Variants in SSPN observed in about 807,000 individuals in gnomAD.
The protein encoded by SSPN is sarcospan, also known as K-ras oncogene-associated protein.
In SSPN, 15 loss-of-function variants were observed where a neutral mutation model predicts 19.1. That is an observed-to-expected ratio of 0.78 (90% CI 0.52 to 1.21). The LOEUF is 1.21. SSPN is among the 50% of genes most tolerant of loss of function. The pLI is 0.00. For synonymous variants in SSPN, 147 were observed against 140.3 expected (o/e 1.05, Z -0.34); for missense variants, 291 against 314.0 (o/e 0.93, Z 0.55).
At chr12:26,148,139 G>A (rs1032340132) in intron 1 of SSPN, among the ~76,000 whole-genome samples, 2 of 152,146 alleles carry the variant, frequency 1.3e-5, no homozygotes, top group Admixed American at 6.5e-5. Flanking sequence ...ATGAATTAAC[G>A]TAGGGCTCTT....
chr12:26,220,986 A>T (rs189632957), intron 1 of SSPN, among the ~76,000 whole-genome samples: 1 of 152,180 alleles, frequency 6.6e-6, no homozygotes, highest in Non-Finnish European at 1.5e-5. Context: ...CATCCAATCC[A>T]TTCTTCATAG....
At position 26,231,011 on chromosome 12, in the gene SSPN, G is replaced by T; in HGVS notation, c.667G>T (p.Val223Phe). The stretch of plus-strand genomic sequence containing the variant: ...TGTGATGTGGAAACATAGGTACCAG[G>T]TCTTCTATGTGGGTGTCAGGATATG... ...CFVMWKHRYQ[V>F]FYVGVRICSL... The change falls in exon 3 of 3, where the codon GTC (valine) becomes TTC (phenylalanine). Residue 223 changes from valine to phenylalanine, a missense_variant. Transcript: ENST00000242729. The T allele has an allele frequency of 1.9e-6, 3 of 1,614,212 alleles. No homozygotes were observed. Among genetic ancestry groups the T allele is most frequent in the Non-Finnish European group, 2.5e-6 (3 of 1,180,048 alleles).
intron 1 of SSPN, among the ~76,000 whole-genome samples, chr12:26,150,121 AT>A (rs1224251613): frequency 2.0e-5 from 3 of 152,148 alleles, no homozygotes; most frequent in Non-Finnish European, 4.4e-5. Flanking sequence ...CTTCTTGTTG[AT>A]TGTGTCAGGA....
At chr12:26,230,334 T>C (rs1010941463) in intron 2 of SSPN, among the ~76,000 whole-genome samples, 1 of 152,244 alleles carries the variant, frequency 6.6e-6, no homozygotes, top group African/African-American at 2.4e-5. Context: ...TCAGTCTTAA[T>C]ATCAGAAGTT....
intron 1 of SSPN, among the ~76,000 whole-genome samples, chr12:26,200,875 CA>C (rs1944870837): frequency 1.3e-5 from 2 of 151,530 alleles, no homozygotes; most frequent in African/African-American, 4.9e-5. Flanking sequence ...GAGATAATTA[CA>C]TGGCCCAACT....
At position 26,231,754 on chromosome 12, in the gene SSPN, T is replaced by G; in HGVS notation, c.*678T>G. 4.4e-6 allele frequency: 1 copy of G among 229,788 alleles called. No homozygotes were observed. Among genetic ancestry groups the G allele is most frequent in the Non-Finnish European group, 7.2e-6 (1 of 139,106 alleles). The allele number at this position is 229,788 out of a possible 1,614,324, so 14.2% of individuals were successfully genotyped here. A position where few individuals can be genotyped will look rare whatever the true frequency, so the allele number is the denominator to read the frequency against. ...AATGCTTTAGATGATTGCCTCTCAA[T>G]AATTGAAAGGTGGTGGTAGTTGTAT... On this transcript the variant is annotated 3_prime_UTR_variant, in exon 3 of 3. Coordinates refer to ENST00000242729, the MANE Select transcript of SSPN (RefSeq NM_005086.5).
chr12:26,144,476 G>A (rs921624037), intron 1 of SSPN, among the ~76,000 whole-genome samples: 1 of 152,138 alleles, frequency 6.6e-6, no homozygotes, highest in Non-Finnish European at 1.5e-5. Flanking sequence ...TATCAACAAG[G>A]TAAGGCGTGG....
chr12:26,163,542 C>T (rs886659199), intron 1 of SSPN, among the ~76,000 whole-genome samples: 3 of 152,258 alleles, frequency 2.0e-5, no homozygotes, highest in African/African-American at 7.2e-5. Flanking sequence ...CTTGCTGTGT[C>T]GTCACATGGC....
At chr12:26,194,049 TATCCTAAC>T (rs1944805151), upstream of SSPN, among the ~76,000 whole-genome samples, 1 of 152,214 alleles carries the variant, frequency 6.6e-6, no homozygotes, top group South Asian at 2.1e-4. Flanking sequence ...GAGTAGCCTT[TATCCTAAC>T]ATCTTGGCAA....
At chr12:26,225,745 T>TAAAA in intron 2 of SSPN, among the ~76,000 whole-genome samples, 1 of 121,892 alleles carries the variant, frequency 8.2e-6, no homozygotes, top group Non-Finnish European at 1.7e-5. Context: ...GCTTGGTGAT[T>TAAAA]AAAAAAAAAA....
At position 26,211,316 on chromosome 12, in the gene SSPN, CAA is replaced by C. The variant is rs2137480069; in HGVS notation, c.280-12975_280-12974del. On this transcript the variant is annotated intron_variant, in intron 1 of 2. Coordinates refer to ENST00000242729, the MANE Select transcript of SSPN (RefSeq NM_005086.5). Reference sequence around the variant, plus strand: ...TATAATATGAAAATGAGACCCAAACCAAAGTGATTCTATTTGAAGATCTCCAT... The same window carrying C: ...TATAATATGAAAATGAGACCCAAACCAGTGATTCTATTTGAAGATCTCCAT... 2.0e-5 allele frequency: 3 copies of C among 152,224 alleles called. No homozygotes were observed. The South Asian group carries it at 6.2e-4, about 32-fold the overall frequency. The allele number at this position is 152,224 out of a possible 1,614,324, so 9.4% of individuals were successfully genotyped here.
intron 1 of SSPN, among the ~76,000 whole-genome samples, chr12:26,188,848 C>G (rs147913903): frequency 7.2e-5 from 11 of 152,026 alleles, no homozygotes; most frequent in African/African-American, 2.7e-4. Context: ...TGGTATGTGG[C>G]GGGGATGTCT....
intron 1 of SSPN, among the ~76,000 whole-genome samples, chr12:26,219,765 A>G (rs961773265): frequency 1.3e-5 from 2 of 152,218 alleles, no homozygotes; most frequent in African/African-American, 4.8e-5. Context: ...CAAGCTCTTA[A>G]ATGCTAGTTG....
chr12:26,132,839 A>C (rs147533311), intron 1 of SSPN, among the ~76,000 whole-genome samples: 18 of 152,306 alleles, frequency 1.2e-4, no homozygotes, highest in African/African-American at 3.8e-4. Flanking sequence ...TCTGGATTGT[A>C]ACTTGGTCTA....
chr12:26,122,355 A>G, intron 1 of SSPN: 1 of 1,172,378 alleles, frequency 8.5e-7, no homozygotes, highest in Non-Finnish European at 1.1e-6. Context: ...GGGGTATAGC[A>G]GCGGGAACGG....
chr12:26,151,104 G>T (rs1228145799), intron 1 of SSPN, among the ~76,000 whole-genome samples: 1 of 152,114 alleles, frequency 6.6e-6, no homozygotes, highest in Non-Finnish European at 1.5e-5. Context: ...GGGAAAAAAA[G>T]GGGCAAGTCT....
upstream of SSPN, among the ~76,000 whole-genome samples, chr12:26,192,134 AAGAT>A (rs1176957251): frequency 1.3e-5 from 2 of 152,218 alleles, no homozygotes; most frequent in African/African-American, 4.8e-5. Context: ...ATAGTCTGCA[AAGAT>A]AGAGATACTG....
At chr12:26,157,736 A>G (rs1028896329) in intron 1 of SSPN, among the ~76,000 whole-genome samples, 2 of 152,196 alleles carry the variant, frequency 1.3e-5, no homozygotes, top group East Asian at 1.9e-4. Context: ...GACAAAATTA[A>G]TATTTCCCAG....
At chr12:26,156,472 T>C (rs1214848538) in intron 1 of SSPN, among the ~76,000 whole-genome samples, 1 of 152,146 alleles carries the variant, frequency 6.6e-6, no homozygotes, top group Non-Finnish European at 1.5e-5. Context: ...AGAGTGATAA[T>C]TAGCCTCACA....
Sources: gnomAD v4.1 joint callset for allele counts (sites outside exome capture counted in the v4.1 genomes callset) on GRCh38, gnomAD v4.1.1 for gene constraint, MANE v1.5 for transcripts, NCBI Gene and HGNC (gene_info 2026-07-23, HGNC 2026-07-21) for gene names.